Variants in FAM20B observed in about 807,000 individuals in gnomAD.
The protein encoded by FAM20B is glycosaminoglycan xylosylkinase.
Under a neutral mutation model 43.8 loss-of-function variants are expected in FAM20B, and 23 were observed. The observed-to-expected ratio is 0.53, with a 90% CI of 0.38 to 0.74. The LOEUF (loss-of-function observed/expected upper bound fraction) is 0.74. Among genes scored for constraint, FAM20B ranks in the 30% least tolerant of loss-of-function variants. FAM20B has a pLI of 0.00. For synonymous variants in FAM20B, 178 were observed against 192.4 expected (o/e 0.93, Z 0.62); for missense variants, 440 against 510.5 (o/e 0.86, Z 1.33).
intron 7 of FAM20B, among the ~76,000 whole-genome samples, chr1:179,070,316 G>A (rs1420850696): frequency 1.3e-5 from 2 of 152,104 alleles, no homozygotes; most frequent in Admixed American, 6.5e-5. Flanking sequence ...AGAGTGCTGG[G>A]ATTACAGGCA....
chr1:179,032,602 C>T (rs917519225), intron 1 of FAM20B, among the ~76,000 whole-genome samples: 1 of 152,044 alleles, frequency 6.6e-6, no homozygotes, highest in East Asian at 1.9e-4. Context: ...ATGCTTTTAA[C>T]CCCTCTGCTA....
intron 4 of FAM20B, among the ~76,000 whole-genome samples, chr1:179,057,358 AT>A (rs1367957432): frequency 1.3e-5 from 2 of 152,172 alleles, no homozygotes; most frequent in African/African-American, 2.4e-5. Flanking sequence ...AAAAAAAAAA[AT>A]ATTTTCTTCA....
At chr1:179,026,272 C>A (rs1417114969) in intron 1 of FAM20B, among the ~76,000 whole-genome samples, 174 bp downstream of exon 1, 1 of 151,372 alleles carries the variant, frequency 6.6e-6, no homozygotes, top group East Asian at 2.0e-4. Flanking sequence ...TGAGCCGTCC[C>A]CGAGTGGCTG....
At chr1:179,023,128 G>A (rs1649633761), upstream of FAM20B, among the ~76,000 whole-genome samples, 1 of 152,176 alleles carries the variant, frequency 6.6e-6, no homozygotes, top group Admixed American at 6.5e-5. Context: ...CGCAGGCCAC[G>A]GACAAGCCTC....
chr1:179,050,370 G>GT lies in FAM20B; in HGVS notation c.464+6dup. On this transcript the variant is annotated splice_donor_region_variant and intron_variant, in intron 3 of 7. Coordinates refer to ENST00000263733, the MANE Select transcript of FAM20B (RefSeq NM_014864.4). Reference sequence around the variant, plus strand: ...AGCAGCCTTTCACTTGGACAGGTGCGTATGATCACAGCAGCTTATGTTCAT... The same window carrying GT: ...AGCAGCCTTTCACTTGGACAGGTGCGTTATGATCACAGCAGCTTATGTTCAT... 2 of 1,607,648 alleles carry GT rather than the reference G, an allele frequency of 1.2e-6. No homozygotes were observed. Among genetic ancestry groups the GT allele is most frequent in the Non-Finnish European group, 1.7e-6 (2 of 1,174,142 alleles).
intron 1 of FAM20B, among the ~76,000 whole-genome samples, chr1:179,041,810 C>T (rs948817827): frequency 6.6e-6 from 1 of 151,812 alleles, no homozygotes; most frequent in African/African-American, 2.4e-5. Context: ...GTTGTCTTAC[C>T]AGAATGAGAA....
intron 1 of FAM20B, among the ~76,000 whole-genome samples, 151 bp downstream of exon 1, chr1:179,026,249 G>T (rs987481450): frequency 5.3e-5 from 8 of 151,122 alleles, no homozygotes; most frequent in Non-Finnish European, 1.2e-4. Context: ...GAGGGGCCGG[G>T]CACCGGGTGC....
Position 179,039,895 on chromosome 1 carries a change from G to T in FAM20B, c.-133-3820G>T, listed in dbSNP as rs548743429. On this transcript the variant is annotated intron_variant, in intron 1 of 7. Coordinates refer to ENST00000263733, the MANE Select transcript of FAM20B (RefSeq NM_014864.4). ...GACCCTGCGGCCTTCCGCAGTGTTTGTGTCCCTGGGTACTTGAGATTAGGG... is the reference window on the plus strand; with the variant it reads ...GACCCTGCGGCCTTCCGCAGTGTTTTTGTCCCTGGGTACTTGAGATTAGGG... Among the ~76,000 whole-genome samples, 848 of 152,226 alleles carry T rather than the reference G, an allele frequency of 5.6e-3. 9 individuals carry two copies. Among genetic ancestry groups the T allele is most frequent in the African/African-American group, 0.019 (808 of 41,500 alleles).
intron 4 of FAM20B, among the ~76,000 whole-genome samples, chr1:179,061,648 A>T (rs75217777): frequency 0.015 from 2,346 of 152,220 alleles, 74 homozygotes; most frequent in African/African-American, 0.055. Flanking sequence ...GGCTCAAGTG[A>T]TCCTTCTCCC....
the FAM20B span, among the ~76,000 whole-genome samples, chr1:179,017,977 C>A: frequency 1.3e-5 from 2 of 152,318 alleles, no homozygotes; most frequent in Non-Finnish European, 1.5e-5. Context: ...AGATAATGAA[C>A]TTTGCCTTTT....
intron 4 of FAM20B, among the ~76,000 whole-genome samples, chr1:179,055,282 A>C (rs1290463353): frequency 2.6e-5 from 4 of 152,196 alleles, no homozygotes; most frequent in East Asian, 3.8e-4. Context: ...GGAAGAATTC[A>C]AAAGTGCGGT....
Position 179,063,978 on chromosome 1 carries a change from C to T in FAM20B, c.626C>T (p.Pro209Leu). The change falls in exon 5 of 8, where the codon CCA becomes CTA. Residue 209 changes from proline (P) to leucine (L), a missense_variant. Transcript: ENST00000263733. ...GKCYYCRETE[P>L]ACADGDIMEG... Reference sequence around the variant, plus strand: ...TGCTATTACTGCCGAGAAACAGAACCAGCTTGTGCTGATGGAGACATAATG... The same window carrying T: ...TGCTATTACTGCCGAGAAACAGAACTAGCTTGTGCTGATGGAGACATAATG... 6.2e-7 allele frequency: 1 copy of T among 1,613,580 alleles called. No homozygotes were observed. The highest frequency in any genetic ancestry group is 8.5e-7 in the Non-Finnish European group (1 of 1,179,702).
intron 1 of FAM20B, among the ~76,000 whole-genome samples, chr1:179,040,326 T>C (rs1353045723): frequency 6.7e-6 from 1 of 149,814 alleles, no homozygotes; most frequent in African/African-American, 2.5e-5. Flanking sequence ...GAGGCGCCCC[T>C]CACCTCCTGG....
At chr1:179,048,874 G>A (rs1417451321) in intron 2 of FAM20B, among the ~76,000 whole-genome samples, 1 of 152,164 alleles carries the variant, frequency 6.6e-6, no homozygotes, top group Non-Finnish European at 1.5e-5. Context: ...ATATTCTAAG[G>A]TCATTTAAGT....
intron 1 of FAM20B, among the ~76,000 whole-genome samples, chr1:179,036,929 A>G (rs1650261954): frequency 6.6e-6 from 1 of 152,188 alleles, no homozygotes; most frequent in South Asian, 2.1e-4. Flanking sequence ...AGAAATGTTA[A>G]GAGAAAGAGG....
At chr1:179,059,692 C>A (rs557507935) in intron 4 of FAM20B, among the ~76,000 whole-genome samples, 1 of 152,238 alleles carries the variant, frequency 6.6e-6, no homozygotes, top group South Asian at 2.1e-4. Flanking sequence ...GAAATTCAGG[C>A]CAGGTGCGGT....
chr1:179,049,436 A>G (rs1650908468), intron 2 of FAM20B, among the ~76,000 whole-genome samples: 1 of 152,220 alleles, frequency 6.6e-6, no homozygotes. Flanking sequence ...AACTTTTTTC[A>G]AAAGCGCTGT....
At chr1:179,051,822 A>G (rs532688667) in intron 3 of FAM20B, among the ~76,000 whole-genome samples, 1 of 151,962 alleles carries the variant, frequency 6.6e-6, no homozygotes, top group South Asian at 2.1e-4. Flanking sequence ...AATTTTTTGT[A>G]TTTTTAGTAA....
intron 2 of FAM20B, among the ~76,000 whole-genome samples, chr1:179,045,394 A>G (rs1385749514): frequency 6.6e-6 from 1 of 152,126 alleles, no homozygotes; most frequent in Non-Finnish European, 1.5e-5. Context: ...ATGACTTTAG[A>G]TTTCTTTCTG....
Sources: gnomAD v4.1 joint callset for allele counts (sites outside exome capture counted in the v4.1 genomes callset) on GRCh38, gnomAD v4.1.1 for gene constraint, MANE v1.5 for transcripts, NCBI Gene and HGNC (gene_info 2026-07-23, HGNC 2026-07-21) for gene names.